TMEM131: variants seen among roughly 807,000 people sequenced by gnomAD.
TMEM131 encodes 2610524E03Rik.
A neutral mutation model predicts 211.6 loss-of-function variants in TMEM131; 66 were observed. The ratio of observed to expected loss-of-function variants is 0.31; its 90% CI spans 0.26 to 0.38. The LOEUF (loss-of-function observed/expected upper bound fraction) is 0.38. Ranked by LOEUF, TMEM131 falls within the 10% of genes least tolerant of loss-of-function variation. The probability of loss-of-function intolerance (pLI) is 1.00; values close to 1 mark genes in which losing one functional copy is unlikely to be tolerated. For synonymous variants in TMEM131, 844 were observed against 841.3 expected (o/e 1.00, Z -0.06); for missense variants, 2,036 against 2,299.3 (o/e 0.89, Z 2.34).
Position 97,844,196 on chromosome 2 carries a change from T to C in TMEM131, c.549A>G (p.Val183=), listed in dbSNP as rs1452155568. The C allele has an allele frequency of 3.0e-6, 4 of 1,329,282 alleles. No individual in the cohort carries two copies. The highest frequency in any genetic ancestry group is 4.0e-6 in the Non-Finnish European group (4 of 1,003,416). 82.3% of individuals were successfully genotyped at this position (1,329,282 alleles called of 1,614,324 possible). The change falls in exon 6 of 41, where the codon GTA becomes GTG. Residue 183 remains valine, a synonymous_variant. Transcript: ENST00000186436. ...ATGTATTAATAAATAAAGTATTTTC[T>C]ACATTTCCTACTACTCTTGCAAGAA... ...VVFLARVVGN[V]ENTLFINTSN...
At chr2:97,974,761 A>T in intron 1 of TMEM131, among the ~76,000 whole-genome samples, 1 of 152,164 alleles carries the variant, frequency 6.6e-6, no homozygotes, top group East Asian at 1.9e-4. Flanking sequence ...AAATAAAAGT[A>T]TCTGAGAACA....
intron 4 of TMEM131, among the ~76,000 whole-genome samples, chr2:97,882,607 G>A (rs911458605): frequency 6.6e-6 from 1 of 152,158 alleles, no homozygotes; most frequent in Non-Finnish European, 1.5e-5. Context: ...GTGCCCTTGG[G>A]GTTCCAGCCC....
At position 97,833,350 on chromosome 2, in the gene TMEM131, G is replaced by T. The variant is rs755711864; in HGVS notation, c.1074+15C>A. On this transcript the variant is annotated intron_variant, in intron 11 of 40. Transcript: ENST00000186436. Reference sequence around the variant, plus strand: ...AGAATATATAAATTAGGGGAAAAAAGAAGTAAAAACTTACTGTTATTGGTA... The same window carrying T: ...AGAATATATAAATTAGGGGAAAAAATAAGTAAAAACTTACTGTTATTGGTA... 2 of 1,144,094 alleles carry T rather than the reference G, an allele frequency of 1.7e-6. No individual in the cohort carries two copies. Among genetic ancestry groups the T allele is most frequent in the Non-Finnish European group, 1.3e-6 (1 of 796,276 alleles). 70.9% of individuals were successfully genotyped at this position (1,144,094 alleles called of 1,614,324 possible).
chr2:97,840,047 G>C (rs1219022047), intron 7 of TMEM131, among the ~76,000 whole-genome samples: 1 of 152,090 alleles, frequency 6.6e-6, no homozygotes, highest in Non-Finnish European at 1.5e-5. Flanking sequence ...CTGTAATATT[G>C]ACAAGACTAG....
intron 25 of TMEM131, among the ~76,000 whole-genome samples, chr2:97,800,836 T>C (rs1222040734): frequency 6.6e-6 from 1 of 151,934 alleles, no homozygotes; most frequent in Non-Finnish European, 1.5e-5. Flanking sequence ...TCCAATAACA[T>C]TTGTTACTTT....
chr2:97,930,329 T>C (rs1677167048), intron 1 of TMEM131, among the ~76,000 whole-genome samples: 2 of 151,846 alleles, frequency 1.3e-5, no homozygotes, highest in South Asian at 4.1e-4. Context: ...GAAGAAATGC[T>C]GATCTAACTG....
At chr2:97,992,997 TAAGAC>T (rs921675744) in intron 1 of TMEM131, among the ~76,000 whole-genome samples, 19 of 152,340 alleles carry the variant, frequency 1.2e-4, no homozygotes, top group African/African-American at 4.6e-4. Context: ...TATAGGATGT[TAAGAC>T]AAGGAATGGT....
At chr2:97,793,289 ATTT>A in intron 30 of TMEM131, 103 bp downstream of exon 30, 1 of 1,245,794 alleles carries the variant, frequency 8.0e-7, no homozygotes, top group Non-Finnish European at 1.1e-6. Flanking sequence ...CAGAATTAAG[ATTT>A]TTTTTCTCCT....
At chr2:97,836,163 T>C (rs781703668) in intron 8 of TMEM131, among the ~76,000 whole-genome samples, 3 of 152,242 alleles carry the variant, frequency 2.0e-5, no homozygotes, top group South Asian at 2.1e-4. Context: ...TTTTTGCTGG[T>C]TGTGTTTCTA....
At chr2:97,872,597 G>A (rs1024245835) in intron 4 of TMEM131, among the ~76,000 whole-genome samples, 6 of 152,132 alleles carry the variant, frequency 3.9e-5, no homozygotes, top group East Asian at 1.9e-4. Flanking sequence ...CACGGAGGGC[G>A]AGCCGAAGCA....
chr2:97,962,595 G>C (rs925405396), intron 1 of TMEM131, among the ~76,000 whole-genome samples: 2 of 152,132 alleles, frequency 1.3e-5, no homozygotes, highest in African/African-American at 2.4e-5. Flanking sequence ...AAATCAACTG[G>C]AACTCTCACA....
intron 3 of TMEM131, among the ~76,000 whole-genome samples, chr2:97,900,552 T>C (rs936157505): frequency 6.6e-6 from 1 of 152,098 alleles, no homozygotes; most frequent in Non-Finnish European, 1.5e-5. Context: ...TGGAATACTA[T>C]TAAGAATCCA....
chr2:97,860,409 A>T (rs1674020811), intron 4 of TMEM131, among the ~76,000 whole-genome samples: 1 of 152,110 alleles, frequency 6.6e-6, no homozygotes, highest in Admixed American at 6.5e-5. Flanking sequence ...TTCTTTCACA[A>T]GGTCCTCTCC....
At chr2:97,798,140 C>T (rs1283474117) in intron 25 of TMEM131, among the ~76,000 whole-genome samples, 1 of 152,234 alleles carries the variant, frequency 6.6e-6, no homozygotes, top group African/African-American at 2.4e-5. Context: ...TTCATAAACA[C>T]CCAATGATTT....
rs1236392028 is a variant in TMEM131 at position 97,908,657 on chromosome 2, C to T, written c.290+1G>A. The T allele has an allele frequency of 6.2e-7, 1 of 1,601,308 alleles. No homozygotes were observed. Among genetic ancestry groups the T allele is most frequent in the African/African-American group, 1.3e-5 (1 of 74,670 alleles). ...TTAATTATCTTATTAAATATACTTA[C>T]CTTTTCTGCTGATATGAACTGAGTC... On this transcript the variant is annotated splice_donor_variant, in intron 3 of 40. Coordinates refer to ENST00000186436, the MANE Select transcript of TMEM131 (RefSeq NM_015348.2). LOFTEE classifies it high-confidence loss of function.
intron 11 of TMEM131, among the ~76,000 whole-genome samples, chr2:97,819,393 T>C (rs1272973142): frequency 6.6e-6 from 1 of 152,162 alleles, no homozygotes; most frequent in African/African-American, 2.4e-5. Flanking sequence ...CATTTTAAGG[T>C]ACAGTTATTT....
At chr2:97,783,880 G>GATAT (rs2104850421) in intron 31 of TMEM131, among the ~76,000 whole-genome samples, 1 of 151,886 alleles carries the variant, frequency 6.6e-6, no homozygotes, top group East Asian at 1.9e-4. Flanking sequence ...CAAATACAAT[G>GATAT]ATATAGGCAG....
chr2:97,810,983 A>T, intron 18 of TMEM131, 145 bp downstream of exon 18: 1 of 651,264 alleles, frequency 1.5e-6, no homozygotes, highest in Admixed American at 2.5e-5. Context: ...TATTCTATAA[A>T]CTATTCTCGA....
intron 19 of TMEM131, among the ~76,000 whole-genome samples, chr2:97,806,897 C>T (rs1031697972): frequency 2.0e-5 from 3 of 152,134 alleles, no homozygotes; most frequent in Non-Finnish European, 4.4e-5. Context: ...GCTAAAACAC[C>T]CGACAGCCAG....
Sources: gnomAD v4.1 joint callset for allele counts (sites outside exome capture counted in the v4.1 genomes callset) on GRCh38, gnomAD v4.1.1 for gene constraint, MANE v1.5 for transcripts, NCBI Gene and HGNC (gene_info 2026-07-23, HGNC 2026-07-21) for gene names.